Variants in CADPS2 observed in about 807,000 individuals in gnomAD.
The protein encoded by CADPS2 is calcium-dependent secretion activator 2.
CADPS2 carries 93 observed loss-of-function variants against 172.5 expected under a neutral mutation model. That is an observed-to-expected ratio of 0.54 (90% CI 0.46 to 0.64). The LOEUF (loss-of-function observed/expected upper bound fraction) is 0.64. Ranked by LOEUF, CADPS2 falls within the 30% of genes least tolerant of loss-of-function variation. CADPS2 has a pLI of 0.00. For synonymous variants in CADPS2, 546 were observed against 555.2 expected, an observed-to-expected ratio of 0.98 and a Z score of 0.23; for missense variants, 1,420 against 1,565.9, an observed-to-expected ratio of 0.91 and a Z score of 1.57.
intron 20 of CADPS2, among the ~76,000 whole-genome samples, chr7:122,403,262 T>G (rs1309427659): frequency 6.6e-6 from 1 of 152,220 alleles, no homozygotes; most frequent in Non-Finnish European, 1.5e-5. Context: ...CACTGCATTT[T>G]ATTTCAGTTC....
intron 8 of CADPS2, among the ~76,000 whole-genome samples, chr7:122,529,338 T>C (rs1226869912): frequency 1.3e-5 from 2 of 152,042 alleles, no homozygotes; most frequent in Non-Finnish European, 2.9e-5. Context: ...GAAAGAGGCA[T>C]AAAAACACAT....
chr7:122,335,409 C>T (rs528187398), intron 28 of CADPS2, among the ~76,000 whole-genome samples: 14 of 152,156 alleles, frequency 9.2e-5, no homozygotes, highest in African/African-American at 3.4e-4. Context: ...CCACCACACC[C>T]GGCTACTTTT....
intron 17 of CADPS2, chr7:122,427,249 T>C (rs552466198): frequency 6.6e-6 from 1 of 152,302 alleles, no homozygotes; most frequent in Admixed American, 6.5e-5. Context: ...CTGGGATATA[T>C]TTAATTAACT....
At chr7:122,877,101 A>T (rs1259093889) in intron 1 of CADPS2, among the ~76,000 whole-genome samples, 1 of 152,208 alleles carries the variant, frequency 6.6e-6, no homozygotes, top group Admixed American at 6.5e-5. Context: ...TACCCGAGAA[A>T]TGCAAATATG....
intron 20 of CADPS2, among the ~76,000 whole-genome samples, chr7:122,396,285 A>G (rs2045115045): frequency 6.6e-6 from 1 of 152,156 alleles, no homozygotes; most frequent in Non-Finnish European, 1.5e-5. Flanking sequence ...AGACTGGTGT[A>G]TTTTATATCC....
chr7:122,587,215 G>C (rs920297353), intron 6 of CADPS2, among the ~76,000 whole-genome samples: 2 of 151,670 alleles, frequency 1.3e-5, no homozygotes, highest in Admixed American at 6.6e-5. Context: ...ACATCACCTA[G>C]GTATTAAGCC....
intron 7 of CADPS2, among the ~76,000 whole-genome samples, chr7:122,574,500 T>A (rs1240908499): frequency 1.5e-5 from 2 of 129,274 alleles, no homozygotes; most frequent in African/African-American, 5.9e-5. Context: ...TGTTGATACA[T>A]ATGTAGAATG....
chr7:122,832,595 A>G (rs1455091744), intron 1 of CADPS2, among the ~76,000 whole-genome samples: 1 of 152,254 alleles, frequency 6.6e-6, no homozygotes, highest in Admixed American at 6.5e-5. Context: ...ACCTACCAGC[A>G]TATCTGTGGG....
intron 22 of CADPS2, among the ~76,000 whole-genome samples, chr7:122,391,505 A>G (rs1178154068): frequency 6.6e-6 from 1 of 152,102 alleles, no homozygotes; most frequent in Non-Finnish European, 1.5e-5. Context: ...TTAAATTATA[A>G]AACAGTGTAA....
chr7:122,516,715 TA>T lies in CADPS2; in HGVS notation c.1476-3401del, dbSNP rs140095397. Among the ~76,000 whole-genome samples, 1,194 of 152,242 alleles carry T rather than the reference TA, an allele frequency of 7.8e-3. 16 individuals carry two copies. Among genetic ancestry groups the T allele is most frequent in the African/African-American group, 0.028 (1,151 of 41,562 alleles). On this transcript the variant is annotated intron_variant, in intron 8 of 29. Coordinates refer to ENST00000449022, the MANE Select transcript of CADPS2 (RefSeq NM_017954.11). ...GGAAAATTCTTATAATGTTAGGTTT[TA>T]AAAAAGCAGTCATACAAATTCATAT...
chr7:122,534,713 A>C (rs1015088821), intron 8 of CADPS2, among the ~76,000 whole-genome samples: 3 of 152,140 alleles, frequency 2.0e-5, no homozygotes, highest in Non-Finnish European at 4.4e-5. Context: ...TGGAAATGTC[A>C]TTATTTTTAA....
chr7:122,883,245 T>C (rs370877468), intron 1 of CADPS2, among the ~76,000 whole-genome samples: 7 of 152,148 alleles, frequency 4.6e-5, no homozygotes, highest in Admixed American at 2.6e-4. Flanking sequence ...CCAGCTCTAA[T>C]AGTGAACGGG....
chr7:122,554,658 T>G lies in CADPS2; in HGVS notation c.1367A>C (p.Lys456Thr). Reference protein sequence around the residue: ...VILYPTSNSSKSAELHRMVVP... With the variant: ...VILYPTSNSSTSAELHRMVVP... ...TACCATTCGGTGTAATTCAGCTGAT[T>G]TGGAGCTATTAGAAGTTGGGTATAA... Residue 456 changes from lysine (K) to threonine (T), a missense_variant, in exon 8 of 30, where the codon AAA becomes ACA. Coordinates refer to ENST00000449022, the MANE Select transcript of CADPS2 (RefSeq NM_017954.11). 6.2e-7 allele frequency: 1 copy of G among 1,609,898 alleles called. No homozygotes were observed. The highest frequency in any genetic ancestry group is 1.7e-5 in the Admixed American group (1 of 59,452).
intron 1 of CADPS2, among the ~76,000 whole-genome samples, chr7:122,876,984 C>A (rs1821384028): frequency 6.6e-6 from 1 of 151,964 alleles, no homozygotes; most frequent in African/African-American, 2.4e-5. Flanking sequence ...TCAGTTAACA[C>A]CTTTCTGATA....
chr7:122,487,116 T>C (rs1166271661), intron 11 of CADPS2, among the ~76,000 whole-genome samples: 1 of 150,508 alleles, frequency 6.6e-6, no homozygotes. Flanking sequence ...GTTCAAGCAG[T>C]TCTCCTACTT....
intron 1 of CADPS2, among the ~76,000 whole-genome samples, chr7:122,799,692 T>C (rs866763070): frequency 1.5e-4 from 23 of 151,824 alleles, no homozygotes; most frequent in African/African-American, 5.6e-4. Flanking sequence ...AAGATTATAA[T>C]CTATGTGTCA....
chr7:122,732,621 T>C (rs916714505), intron 2 of CADPS2, among the ~76,000 whole-genome samples: 1 of 146,896 alleles, frequency 6.8e-6, no homozygotes, highest in Non-Finnish European at 1.5e-5. Flanking sequence ...CTATGTGCTA[T>C]TTTCTTGGGT....
At chr7:122,485,851 A>C (rs1389640293) in intron 11 of CADPS2, among the ~76,000 whole-genome samples, 3 of 152,186 alleles carry the variant, frequency 2.0e-5, no homozygotes, top group African/African-American at 4.8e-5. Context: ...GGTGACTTTA[A>C]GTTGAAGCCA....
chr7:122,325,431 C>T (rs1409611094), intron 29 of CADPS2, 46 bp downstream of exon 29: 2 of 1,233,708 alleles, frequency 1.6e-6, no homozygotes, highest in Admixed American at 1.9e-5. Context: ...TGCCATTATT[C>T]CTTATAGCTT....
Sources: gnomAD v4.1 joint callset for allele counts (sites outside exome capture counted in the v4.1 genomes callset) on GRCh38, gnomAD v4.1.1 for gene constraint, MANE v1.5 for transcripts, NCBI Gene and HGNC (gene_info 2026-07-23, HGNC 2026-07-21) for gene names.